CD4: variants seen among roughly 807,000 people sequenced by gnomAD.
The protein encoded by CD4 is CD4 molecule.
In CD4, 25 loss-of-function variants were observed where a neutral mutation model predicts 50.5. That is an observed-to-expected ratio of 0.49 (90% CI 0.36 to 0.69). CD4 has a LOEUF of 0.69. Among genes scored for constraint, CD4 ranks in the 30% least tolerant of loss-of-function variants. CD4 has a pLI of 0.00. For synonymous variants in CD4, 207 were observed against 221.9 expected, an observed-to-expected ratio of 0.93 and a Z score of 0.60; for missense variants, 456 against 548.5, an observed-to-expected ratio of 0.83 and a Z score of 1.68.
chr12:6,818,460 T>C lies in CD4; in HGVS notation c.1196T>C (p.Leu399Pro). The change falls in exon 8 of 10, where the codon CTG becomes CCG. Residue 399 changes from leucine to proline, a missense_variant. Coordinates refer to ENST00000011653, the MANE Select transcript of CD4 (RefSeq NM_000616.5). This position sits in a 1 kb window ranked among gnomAD's most constrained non-coding sequence, Gnocchi z 5.0. ...TCCACCCCGGTGCAGCCAATGGCCC[T>C]GATTGTGCTGGGGGGCGTCGCCGGC... ...TWSTPVQPMA[L>P]IVLGGVAGLL... is the part of the protein sequence containing the mutation. 1.2e-6 allele frequency: 2 copies of C among 1,612,992 alleles called. No homozygotes were observed. The highest frequency in any genetic ancestry group is 8.5e-7 in the Non-Finnish European group (1 of 1,180,000).
At chr12:6,791,435 G>C (rs1247705621) in intron 1 of CD4, among the ~76,000 whole-genome samples, 3 of 152,076 alleles carry the variant, frequency 2.0e-5, no homozygotes, top group Admixed American at 6.5e-5. Flanking sequence ...TAGAGACCAG[G>C]TTTCACTATG....
chr12:6,795,098 C>CTCTATCTATCTATCTATCTATCTA (rs10667545), intron 1 of CD4, among the ~76,000 whole-genome samples: 5 of 147,104 alleles, frequency 3.4e-5, no homozygotes, highest in Non-Finnish European at 4.5e-5. Flanking sequence ...AAATGTCTGT[C>CTCTATCTATCTATCTATCTATCTA]TCTATCTATC....
intron 3 of CD4, among the ~76,000 whole-genome samples, chr12:6,810,071 G>A (rs1300331938): frequency 6.6e-6 from 1 of 152,010 alleles, no homozygotes; most frequent in East Asian, 1.9e-4. Flanking sequence ...TGTATTTTTA[G>A]TAAAGACTGG....
In CD4 at chr12:6,792,385, C is replaced by T. The variant is rs2137828092; in HGVS notation, c.-68+2723C>T. ...TCTTTCTCAGTCTCTCTTTGCCTCA[C>T]TTTGGATCTATGCTCTGTGCATCTG... On this transcript the variant is annotated intron_variant, in intron 1 of 9. Coordinates refer to ENST00000011653, the MANE Select transcript of CD4 (RefSeq NM_000616.5). This position sits in a 1 kb window ranked among gnomAD's most constrained non-coding sequence, Gnocchi z 4.1. Among the ~76,000 whole-genome samples, 1 of 152,292 alleles carries T rather than the reference C, an allele frequency of 6.6e-6. No individual in the cohort carries two copies. Among genetic ancestry groups the T allele is most frequent in the East Asian group, 1.9e-4 (1 of 5,186 alleles).
chr12:6,819,405 A>T lies in CD4; in HGVS notation c.*76A>T. ...GCGTTTCCTGCCTGCGGACCAGATGAATGTAGCAGATCCCCAGCCTCTGGC... is the reference window on the plus strand; with the variant it reads ...GCGTTTCCTGCCTGCGGACCAGATGTATGTAGCAGATCCCCAGCCTCTGGC... On this transcript the variant is annotated 3_prime_UTR_variant, in exon 10 of 10. Coordinates refer to ENST00000011653, the MANE Select transcript of CD4 (RefSeq NM_000616.5). 1 of 1,396,500 alleles carries T rather than the reference A, an allele frequency of 7.2e-7. No individual in the cohort carries two copies. Among genetic ancestry groups the T allele is most frequent in the Non-Finnish European group, 1.0e-6 (1 of 982,456 alleles). 86.5% of individuals were successfully genotyped at this position (1,396,500 alleles called of 1,614,324 possible). A position where few individuals can be genotyped will look rare whatever the true frequency, so the allele number is the denominator to read the frequency against.
intron 3 of CD4, among the ~76,000 whole-genome samples, chr12:6,801,516 CA>C (rs200977719): frequency 0.21 from 25,066 of 120,132 alleles, 2,655 homozygotes; most frequent in East Asian, 0.49. Flanking sequence ...GACTTCATCT[CA>C]AAAAAAAAAA....
intron 7 of CD4, among the ~76,000 whole-genome samples, chr12:6,817,838 C>T (rs1591566184): frequency 6.7e-6 from 1 of 149,506 alleles, no homozygotes; most frequent in African/African-American, 2.6e-5. Context: ...CTGTCACACA[C>T]TCATACACAC....
At chr12:6,806,728 C>A (rs1228829712) in intron 3 of CD4, among the ~76,000 whole-genome samples, 1 of 152,202 alleles carries the variant, frequency 6.6e-6, no homozygotes, top group Non-Finnish European at 1.5e-5. Flanking sequence ...TAGGCTATCA[C>A]TAAACCTATC....
At position 6,819,400 on chromosome 12, in the gene CD4, A is replaced by C; in HGVS notation, c.*71A>C. The C allele has an allele frequency of 1.4e-6, 2 of 1,428,302 alleles. No individual in the cohort carries two copies. The highest frequency in any genetic ancestry group is 9.9e-7 in the Non-Finnish European group (1 of 1,010,712). The allele number at this position is 1,428,302 out of a possible 1,614,324, so 88.5% of individuals were successfully genotyped here. A position where few individuals can be genotyped will look rare whatever the true frequency, so the allele number is the denominator to read the frequency against. ...GCCCCGCGTTTCCTGCCTGCGGACC[A>C]GATGAATGTAGCAGATCCCCAGCCT... On this transcript the variant is annotated 3_prime_UTR_variant, in exon 10 of 10. Transcript: ENST00000011653.
intron 3 of CD4, among the ~76,000 whole-genome samples, chr12:6,803,803 T>G (rs557254195): frequency 6.6e-4 from 93 of 140,152 alleles, no homozygotes; most frequent in Non-Finnish European, 1.1e-3. Flanking sequence ...AATAAATAAA[T>G]AAATAAAATA....
chr12:6,807,887 C>G (rs781860663), intron 3 of CD4, among the ~76,000 whole-genome samples: 2 of 151,746 alleles, frequency 1.3e-5, no homozygotes, highest in African/African-American at 4.8e-5. Context: ...TCGAGACCAG[C>G]CTGGCCAACA....
chr12:6,806,041 G>A (rs1337819937), intron 3 of CD4, among the ~76,000 whole-genome samples: 3 of 151,570 alleles, frequency 2.0e-5, no homozygotes, highest in Admixed American at 6.6e-5. Flanking sequence ...GCTCACCGCT[G>A]TAATCCCAGC....
intron 1 of CD4, chr12:6,799,746 A>C: frequency 5.5e-6 from 1 of 180,724 alleles, no homozygotes; most frequent in Non-Finnish European, 1.2e-5. Flanking sequence ...CTCCCAAAGC[A>C]CTGGGATTAC....
At chr12:6,801,621 C>T (rs781785388) in intron 3 of CD4, among the ~76,000 whole-genome samples, 60 of 148,242 alleles carry the variant, frequency 4.0e-4, no homozygotes, top group African/African-American at 1.4e-3. Flanking sequence ...AGTGCGGTGG[C>T]GTGATCTTGG....
Position 6,818,616 on chromosome 12 carries a change from G to A in CD4, c.1278+74G>A, listed in dbSNP as rs1943177674. The A allele has an allele frequency of 6.3e-7, 1 of 1,589,336 alleles. No homozygotes were observed. Among genetic ancestry groups the A allele is most frequent in the Admixed American group, 1.7e-5 (1 of 59,326 alleles). On this transcript the variant is annotated intron_variant, in intron 8 of 9. Coordinates refer to ENST00000011653, the MANE Select transcript of CD4 (RefSeq NM_000616.5). The surrounding 1 kb of genome is among the most constrained non-coding windows in gnomAD (Gnocchi z 5.0). ...CCTCTACCAGGAGATCCTGTATATG[G>A]GAACTGATTTTGGCCCAGCTCCCTC...
intron 3 of CD4, among the ~76,000 whole-genome samples, chr12:6,804,151 T>A (rs201495903): frequency 8.7e-6 from 1 of 115,540 alleles, no homozygotes; most frequent in African/African-American, 3.0e-5. Flanking sequence ...AATAAATAAA[T>A]AAAATAAAAA....
intron 1 of CD4, among the ~76,000 whole-genome samples, chr12:6,794,369 A>G (rs956922890): frequency 1.4e-5 from 2 of 144,148 alleles, no homozygotes; most frequent in African/African-American, 5.2e-5. Flanking sequence ...GCCTGGACAT[A>G]TATCTATCTT....
At position 6,814,114 on chromosome 12, in the gene CD4, TC is replaced by T. The variant is rs28917499; in HGVS notation, c.215-20del. On this transcript the variant is annotated intron_variant, in intron 3 of 9. Coordinates refer to ENST00000011653, the MANE Select transcript of CD4 (RefSeq NM_000616.5). ...GTGCCCTGTCTCCAGGGCGCCTCAGTCCCCCCCCATATGTCTTCTGCTCCCA... is the reference window on the plus strand; with the variant it reads ...GTGCCCTGTCTCCAGGGCGCCTCAGTCCCCCCCATATGTCTTCTGCTCCCA... 7.8e-5 allele frequency: 125 copies of T among 1,600,494 alleles called. No homozygotes were observed. The Middle Eastern group carries it at 1.3e-3, about 17-fold the overall frequency.
At chr12:6,815,446 G>T (rs1285435697) in intron 5 of CD4, among the ~76,000 whole-genome samples, 1 of 152,170 alleles carries the variant, frequency 6.6e-6, no homozygotes, top group Non-Finnish European at 1.5e-5. Context: ...TCCTACCCCA[G>T]ATCCTGTCCC....
Sources: gnomAD v4.1 joint callset for allele counts (sites outside exome capture counted in the v4.1 genomes callset) on GRCh38, gnomAD v4.1.1 for gene constraint, Gnocchi (gnomAD v3.1) non-coding constraint, MANE v1.5 for transcripts, NCBI Gene and HGNC (gene_info 2026-07-23, HGNC 2026-07-21) for gene names.